The following MTUS2 variants were observed in gnomAD, a reference collection of about 807,000 sequenced individuals.
The protein encoded by MTUS2 is microtubule-associated tumor suppressor candidate 2.
A neutral mutation model predicts 114.1 loss-of-function variants in MTUS2; 40 were observed. The observed-to-expected ratio is 0.35, with a 90% CI of 0.27 to 0.46. The LOEUF (loss-of-function observed/expected upper bound fraction) is 0.46. Ranked by LOEUF, MTUS2 falls within the 20% of genes least tolerant of loss-of-function variation. The pLI is 1.00. For missense variants in MTUS2, 1,679 were observed against 1,705.4 expected (o/e 0.98, Z 0.27); for synonymous variants, 688 against 672.0 (o/e 1.02, Z -0.37).
intron 1 of MTUS2, among the ~76,000 whole-genome samples, chr13:28,825,723 G>C (rs1454866114): frequency 6.6e-6 from 1 of 152,186 alleles, no homozygotes; most frequent in Non-Finnish European, 1.5e-5. Context: ...TATGGAACCA[G>C]GATGGGATAG....
At chr13:29,102,517 C>T (rs1253402839) in intron 5 of MTUS2, among the ~76,000 whole-genome samples, 1 of 152,170 alleles carries the variant, frequency 6.6e-6, no homozygotes, top group Non-Finnish European at 1.5e-5. Context: ...AGAGGGACCC[C>T]TGAGCACCCA....
intron 2 of MTUS2, among the ~76,000 whole-genome samples, chr13:28,903,570 A>G (rs888863780): frequency 2.0e-5 from 3 of 151,670 alleles, no homozygotes; most frequent in African/African-American, 7.3e-5. Flanking sequence ...AGCTTCATCC[A>G]TGTCCCTACA....
intron 5 of MTUS2, among the ~76,000 whole-genome samples, chr13:29,227,672 C>T (rs34514208): frequency 0.065 from 9,888 of 152,282 alleles, 349 homozygotes; most frequent in Middle Eastern, 0.078. Flanking sequence ...ATCTCTCTAA[C>T]CTCTGAGAGG....
At chr13:29,039,853 C>G (rs945031782) in intron 4 of MTUS2, among the ~76,000 whole-genome samples, 2 of 152,160 alleles carry the variant, frequency 1.3e-5, no homozygotes, top group African/African-American at 4.8e-5. Flanking sequence ...TTTGTTTTAG[C>G]ACAGGCAATG....
At chr13:28,947,894 A>G (rs1882616355) in intron 2 of MTUS2, among the ~76,000 whole-genome samples, 1 of 152,080 alleles carries the variant, frequency 6.6e-6, no homozygotes, top group East Asian at 1.9e-4. Context: ...TTTTTAATAC[A>G]TGGGATGTTT....
chr13:29,503,134 C>G lies in MTUS2; in HGVS notation c.4038C>G (p.Pro1346=). Residue 1346 remains proline (P), a synonymous_variant, in exon 16 of 16, where the codon CCC becomes CCG. Coordinates refer to ENST00000612955, the MANE Select transcript of MTUS2 (RefSeq NM_001033602.4). ...GDPTSPIKLS[P]TSPVYRGSSS... ...CGACCAGTCCGATTAAACTCTCGCCCACATCTCCCGTTTACCGCGGCTCCT... is the reference window on the plus strand; with the variant it reads ...CGACCAGTCCGATTAAACTCTCGCCGACATCTCCCGTTTACCGCGGCTCCT... 1 of 1,614,242 alleles carries G rather than the reference C, an allele frequency of 6.2e-7. No homozygotes were observed. The highest frequency in any genetic ancestry group is 8.5e-7 in the Non-Finnish European group (1 of 1,180,040).
At chr13:28,916,072 A>G (rs559300954) in intron 2 of MTUS2, among the ~76,000 whole-genome samples, 36 of 151,400 alleles carry the variant, frequency 2.4e-4, no homozygotes, top group African/African-American at 7.5e-4. Flanking sequence ...CCCCCATTGT[A>G]TGTTTCTGAC....
At chr13:29,214,179 T>G (rs1208156388) in intron 5 of MTUS2, among the ~76,000 whole-genome samples, 1 of 47,602 alleles carries the variant, frequency 2.1e-5, no homozygotes, top group African/African-American at 1.2e-4. Context: ...TATACTACAT[T>G]GTTTTTTTTT....
At chr13:28,992,739 T>C (rs531504845) in intron 2 of MTUS2, among the ~76,000 whole-genome samples, 1 of 152,324 alleles carries the variant, frequency 6.6e-6, no homozygotes, top group East Asian at 1.9e-4. Context: ...TTTATTGTGG[T>C]AAAATATACA....
intron 5 of MTUS2, among the ~76,000 whole-genome samples, chr13:29,125,248 T>A (rs1245381254): frequency 6.6e-6 from 1 of 152,202 alleles, no homozygotes; most frequent in African/African-American, 2.4e-5. Context: ...GGTGTTTACA[T>A]CCAATAGTGG....
At chr13:29,456,266 T>C (rs1879101280) in intron 9 of MTUS2, among the ~76,000 whole-genome samples, 1 of 151,364 alleles carries the variant, frequency 6.6e-6, no homozygotes, top group African/African-American at 2.4e-5. Context: ...CAGAAAAGAG[T>C]CAGTAAATTG....
chr13:29,484,256 C>T (rs1881424304), intron 10 of MTUS2: 1 of 152,270 alleles, frequency 6.6e-6, no homozygotes, highest in African/African-American at 2.4e-5. Flanking sequence ...AGGATTAATC[C>T]AAATTCACAG....
chr13:29,494,921 C>T (rs1450194312), intron 12 of MTUS2, among the ~76,000 whole-genome samples: 1 of 151,812 alleles, frequency 6.6e-6, no homozygotes, highest in African/African-American at 2.4e-5. Context: ...CACATTGGCT[C>T]ACGTTTGTAT....
intron 2 of MTUS2, among the ~76,000 whole-genome samples, chr13:28,881,693 C>T (rs1420330369): frequency 6.6e-6 from 1 of 151,994 alleles, no homozygotes; most frequent in African/African-American, 2.4e-5. Flanking sequence ...AATTATAGCT[C>T]ATTGTGGTTT....
chr13:29,306,767 C>A, intron 6 of MTUS2: 1 of 315,524 alleles, frequency 3.2e-6, no homozygotes, highest in South Asian at 2.6e-5. Context: ...CAGCCGCATC[C>A]CTGAGACATC....
intron 4 of MTUS2, among the ~76,000 whole-genome samples, chr13:29,083,725 T>G (rs1889546863): frequency 6.6e-6 from 1 of 152,218 alleles, no homozygotes; most frequent in South Asian, 2.1e-4. Flanking sequence ...TCAGTACTTG[T>G]AAGTTTCTGT....
intron 8 of MTUS2, among the ~76,000 whole-genome samples, chr13:29,433,901 TA>T (rs1877208732): frequency 6.6e-6 from 1 of 152,222 alleles, no homozygotes; most frequent in Admixed American, 6.5e-5. Flanking sequence ...TTCACAATTT[TA>T]AAAGATCTGG....
intron 6 of MTUS2, among the ~76,000 whole-genome samples, chr13:29,319,312 G>A (rs2139665752): frequency 6.6e-6 from 1 of 152,312 alleles, no homozygotes; most frequent in Middle Eastern, 3.4e-3. Flanking sequence ...GGTGACGTGA[G>A]GCACGACTGT....
chr13:29,344,754 T>A (rs1868502222), intron 7 of MTUS2, among the ~76,000 whole-genome samples: 1 of 152,182 alleles, frequency 6.6e-6, no homozygotes, highest in African/African-American at 2.4e-5. Context: ...GTTTTATACA[T>A]CCTGTGAGAT....
Sources: allele counts gnomAD v4.1 joint callset (sites outside exome capture counted in the v4.1 genomes callset), GRCh38; gene constraint gnomAD v4.1.1; transcripts MANE v1.5; gene names NCBI Gene and HGNC (gene_info 2026-07-23, HGNC 2026-07-21).